The following THTPA variants were observed in gnomAD, a reference collection of about 807,000 sequenced individuals.
THTPA encodes the protein thiamine triphosphatase.
Under a neutral mutation model 16.5 loss-of-function variants are expected in THTPA, and 16 were observed. The observed-to-expected ratio is 0.97, with a 90% CI of 0.66 to 1.47. THTPA has a LOEUF of 1.47. THTPA is among the 40% of genes most tolerant of loss of function. THTPA has a pLI of 0.00. For missense variants in THTPA, 281 were observed against 280.9 expected (o/e 1.00, Z 0.00); for synonymous variants, 110 against 115.5 (o/e 0.95, Z 0.30).
chr14:23,522,080 A>G, the THTPA span: 9 of 1,536,192 alleles, frequency 5.9e-6, no homozygotes, highest in East Asian at 2.2e-4. Context: ...GGCGTTGGTG[A>G]TGGAGATGGG....
chr14:23,526,757 T>C, the THTPA span: 172 of 1,531,858 alleles, frequency 1.1e-4, no homozygotes, highest in Non-Finnish European at 1.5e-4. Flanking sequence ...ACCAAGGCAG[T>C]TGACCTTGGC....
chr14:23,527,899 TCC>T, the THTPA span: 1 of 550,806 alleles, frequency 1.8e-6, no homozygotes, highest in Non-Finnish European at 3.0e-6. Context: ...CCGCCCCCAC[TCC>T]TTTTTTTTTT....
the THTPA span, among the ~76,000 whole-genome samples, chr14:23,517,088 A>G: frequency 4.6e-3 from 699 of 152,124 alleles, no homozygotes; most frequent in Non-Finnish European, 8.1e-3. Flanking sequence ...ACTTCTTTCC[A>G]TGGCTGCGGA....
the THTPA span, among the ~76,000 whole-genome samples, chr14:23,544,651 C>T: frequency 2.6e-5 from 4 of 152,120 alleles, no homozygotes; most frequent in Non-Finnish European, 5.9e-5. Flanking sequence ...CTGGCGCGGG[C>T]GTGTTTAGGG....
At chr14:23,527,021 C>T in the THTPA span, 1 of 1,461,240 alleles carries the variant, frequency 6.8e-7, no homozygotes, top group Non-Finnish European at 9.0e-7. Flanking sequence ...CCCCACTGCC[C>T]CTATGCCACT....
In THTPA at chr14:23,558,836, G is replaced by A. The variant is rs375189164; in HGVS notation, c.689G>A (p.Gly230Asp). The A allele has an allele frequency of 5.6e-6, 9 of 1,613,902 alleles. No individual in the cohort carries two copies. In the Admixed American group the frequency reaches 8.3e-5, roughly 15 times the overall value. ...QETEDPDHCL[G>D] ...ACTGAAGATCCTGACCACTGCCTGG[G>A]CTAGGGGTGTCACTTCCTAGAAGGG... The change falls in exon 2 of 2, where the codon GGC (glycine) becomes GAC (aspartate). Residue 230 changes from glycine to aspartate, a missense_variant. By Grantham distance (94) the Gly-to-Asp change is moderately conservative (BLOSUM62 -1). Transcript: ENST00000288014.
At chr14:23,556,106 C>T, upstream of THTPA, 1 of 152,904 alleles carries the variant, frequency 6.5e-6, no homozygotes, top group Non-Finnish European at 1.5e-5. Context: ...GGCCTCGCTC[C>T]CCTGGCCACC....
the THTPA span, chr14:23,514,270 T>G: frequency 2.6e-5 from 4 of 151,778 alleles, no homozygotes; most frequent in African/African-American, 9.7e-5. Context: ...GCATGGGGAG[T>G]GGAGCAACAG....
At chr14:23,522,609 G>T in the THTPA span, 1 of 1,532,270 alleles carries the variant, frequency 6.5e-7, no homozygotes, top group African/African-American at 1.4e-5. Context: ...ACAGCTGGCG[G>T]TGCTGTTCCC....
the THTPA span, chr14:23,524,417 G>A: frequency 6.5e-7 from 1 of 1,536,230 alleles, no homozygotes; most frequent in Non-Finnish European, 8.7e-7. This position sits in a 1 kb window ranked among gnomAD's most constrained non-coding sequence, Gnocchi z 5.6. Context: ...TTCACTGCCT[G>A]TGGGAGACAA....
the THTPA span, chr14:23,529,863 A>G: frequency 1.6e-6 from 2 of 1,276,732 alleles, no homozygotes; most frequent in Non-Finnish European, 2.2e-6. Context: ...GGCACTAGAG[A>G]AAGGGCAGGA....
the THTPA span, chr14:23,513,549 G>A: frequency 1.3e-5 from 2 of 152,716 alleles, no homozygotes; most frequent in Non-Finnish European, 2.9e-5. Context: ...GGAGGGGAGA[G>A]GCTTGGGGTC....
At chr14:23,523,435 C>G in the THTPA span, 1 of 1,534,460 alleles carries the variant, frequency 6.5e-7, no homozygotes, top group Non-Finnish European at 8.7e-7. This position sits in a 1 kb window ranked among gnomAD's most constrained non-coding sequence, Gnocchi z 4.1. Flanking sequence ...TGGCCAGGTG[C>G]TGACGGGAAA....
At chr14:23,522,604 T>G in the THTPA span, 1 of 1,530,824 alleles carries the variant, frequency 6.5e-7, no homozygotes, top group African/African-American at 1.4e-5. Context: ...CAAAGACAGC[T>G]GGCGGTGCTG....
the THTPA span, chr14:23,525,793 A>C: frequency 6.7e-7 from 1 of 1,481,482 alleles, no homozygotes; most frequent in South Asian, 1.3e-5. The surrounding 1 kb of genome is among the most constrained non-coding windows in gnomAD (Gnocchi z 5.9). Context: ...GCACAGGTGC[A>C]GGCCCAGCTA....
At chr14:23,526,313 T>C in the THTPA span, 1 of 1,536,298 alleles carries the variant, frequency 6.5e-7, no homozygotes, top group African/African-American at 1.4e-5. Context: ...GACAGAATTA[T>C]AATGAACCAA....
At chr14:23,540,410 C>A in the THTPA span, among the ~76,000 whole-genome samples, 1 of 152,194 alleles carries the variant, frequency 6.6e-6, no homozygotes, top group Non-Finnish European at 1.5e-5. Context: ...AGGCATTGCA[C>A]CCTTCCATAC....
the THTPA span, chr14:23,529,257 G>A: frequency 1.2e-5 from 2 of 162,180 alleles, no homozygotes; most frequent in East Asian, 3.7e-4. Context: ...TTTGGTTGGT[G>A]CCCCTACCCT....
At chr14:23,539,897 C>T in the THTPA span, among the ~76,000 whole-genome samples, 1 of 152,254 alleles carries the variant, frequency 6.6e-6, no homozygotes, top group East Asian at 1.9e-4. Context: ...TTTCTCCAAA[C>T]CCAACTCCAT....
Sources: gnomAD v4.1 joint callset for allele counts (sites outside exome capture counted in the v4.1 genomes callset) on GRCh38, gnomAD v4.1.1 for gene constraint, Gnocchi (gnomAD v3.1) non-coding constraint, MANE v1.5 for transcripts, NCBI Gene and HGNC (gene_info 2026-07-23, HGNC 2026-07-21) for gene names.